The following CYB5R4 variants were observed in gnomAD, a reference collection of about 807,000 sequenced individuals.
CYB5R4 encodes the protein cytochrome b5 reductase 4.
CYB5R4 carries 55 observed loss-of-function variants against 70.2 expected under a neutral mutation model. The observed-to-expected ratio is 0.78, with a 90% CI of 0.63 to 0.98. The LOEUF (loss-of-function observed/expected upper bound fraction) is 0.98, where lower values mean the gene tolerates loss of function less well. Ranked by LOEUF, CYB5R4 falls within the 50% of genes least tolerant of loss-of-function variation. CYB5R4 has a pLI of 0.00. For missense variants in CYB5R4, 562 were observed against 612.6 expected (o/e 0.92, Z 0.87); for synonymous variants, 197 against 199.5 (o/e 0.99, Z 0.11).
chr6:83,947,158 A>C (rs2129144362), intron 14 of CYB5R4, among the ~76,000 whole-genome samples: 1 of 152,308 alleles, frequency 6.6e-6, no homozygotes, highest in Non-Finnish European at 1.5e-5. Context: ...TTCAAACTAT[A>C]CTGCAAGGCC....
At chr6:83,901,689 G>A (rs922592445) in intron 3 of CYB5R4, among the ~76,000 whole-genome samples, 4 of 145,298 alleles carry the variant, frequency 2.8e-5, no homozygotes, top group Non-Finnish European at 5.9e-5. Context: ...ATCCTCACCA[G>A]CGTCTATTAT....
intron 3 of CYB5R4, among the ~76,000 whole-genome samples, chr6:83,907,859 T>G (rs2099464060): frequency 6.6e-6 from 1 of 152,220 alleles, no homozygotes; most frequent in Admixed American, 6.5e-5. Context: ...CTACCACATT[T>G]TCTTTATTCA....
chr6:83,912,562 C>T (rs1283121368), intron 4 of CYB5R4, among the ~76,000 whole-genome samples: 3 of 152,062 alleles, frequency 2.0e-5, no homozygotes, highest in Admixed American at 6.6e-5. Context: ...CTGACCTCTC[C>T]GGAAATAAAG....
rs541342448 is a variant in CYB5R4, at chr6:83,961,484, G to C, written c.*1606G>C. On this transcript the variant is annotated 3_prime_UTR_variant, in exon 16 of 16. Transcript: ENST00000369681. ...CTCATGATGGTAAGTGAGTTCTCAT[G>C]AGATCTGATGGTTTAAAAGTGTGGC... 3.3e-5 allele frequency: 5 copies of C among 152,092 alleles called. No homozygotes were observed. The East Asian group carries it at 9.7e-4, about 29-fold the overall frequency. 9.4% of individuals were successfully genotyped at this position (152,092 alleles called of 1,614,324 possible). A position where few individuals can be genotyped will look rare whatever the true frequency, so the allele number is the denominator to read the frequency against.
At chr6:83,900,338 G>A (rs183330440) in intron 3 of CYB5R4, among the ~76,000 whole-genome samples, 1,918 of 152,252 alleles carry the variant, frequency 0.013, 46 homozygotes, top group African/African-American at 0.044. Flanking sequence ...GAGACAGTTT[G>A]TTATAATTTC....
At position 83,924,595 on chromosome 6, in the gene CYB5R4, A is replaced by G; in HGVS notation, c.814+3A>G. 6.2e-7 allele frequency: 1 copy of G among 1,611,610 alleles called. No homozygotes were observed. The highest frequency in any genetic ancestry group is 8.5e-7 in the Non-Finnish European group (1 of 1,178,912). On this transcript the variant is annotated splice_donor_region_variant and intron_variant, in intron 10 of 15. Transcript: ENST00000369681. ...ACTTATTCCAAGGAAAGATACAGGT[A>G]TGCTGTGTTCTTTTGTTACGTTAAT...
intron 1 of CYB5R4, 57 bp downstream of exon 1, chr6:83,859,914 T>TG: frequency 1.3e-6 from 2 of 1,495,886 alleles, no homozygotes; most frequent in Non-Finnish European, 1.8e-6. Context: ...TCTGGCAGTG[T>TG]GTTCTCTTCT....
intron 2 of CYB5R4, 56 bp downstream of exon 2, chr6:83,864,384 A>G (rs1036810315): frequency 1.8e-5 from 27 of 1,479,320 alleles, no homozygotes; most frequent in South Asian, 2.5e-5. Context: ...TCCAATTATG[A>G]TGTTACATAA....
chr6:83,940,225 A>C lies in CYB5R4; in HGVS notation c.1259+19A>C. ...GTCTCAGGTATGTAATTTTGTCTCT[A>C]ATTACGATCCTTTTTGAGGCTGTTA... On this transcript the variant is annotated intron_variant, in intron 13 of 15. Transcript: ENST00000369681. 1 of 1,586,110 alleles carries C rather than the reference A, an allele frequency of 6.3e-7. No individual in the cohort carries two copies. Among genetic ancestry groups the C allele is most frequent in the South Asian group, 1.2e-5 (1 of 86,712 alleles).
At chr6:83,895,592 C>T (rs986415628) in intron 3 of CYB5R4, among the ~76,000 whole-genome samples, 1 of 152,120 alleles carries the variant, frequency 6.6e-6, no homozygotes, top group African/African-American at 2.4e-5. Flanking sequence ...TACTGTGCCA[C>T]AAGAAGAATT....
At chr6:83,927,986 G>A (rs1365823786) in intron 10 of CYB5R4, among the ~76,000 whole-genome samples, 2 of 152,154 alleles carry the variant, frequency 1.3e-5, no homozygotes, top group Non-Finnish European at 2.9e-5. Context: ...TAGGAATTCT[G>A]TTTAAGACAC....
At chr6:83,867,753 G>A (rs6911374) in intron 2 of CYB5R4, among the ~76,000 whole-genome samples, 26,630 of 152,188 alleles carry the variant, frequency 0.17, 3,791 homozygotes, top group African/African-American at 0.38. Flanking sequence ...ATGACTCAGC[G>A]GGTTTGGAGC....
intron 11 of CYB5R4, 26 bp downstream of exon 11, chr6:83,934,761 A>C: frequency 6.3e-7 from 1 of 1,590,758 alleles, no homozygotes; most frequent in Non-Finnish European, 8.5e-7. Flanking sequence ...GCTTTGGGAC[A>C]CAATTTATTC....
At position 83,961,080 on chromosome 6, in the gene CYB5R4, A is replaced by G. The variant is rs2129147002; in HGVS notation, c.*1202A>G. The G allele has an allele frequency of 6.6e-6, 1 of 152,334 alleles. No individual in the cohort carries two copies. The highest frequency in any genetic ancestry group is 1.5e-5 in the Non-Finnish European group (1 of 68,032). The allele number at this position is 152,334 out of a possible 1,614,324, so 9.4% of individuals were successfully genotyped here. ...AAACAGCTAAATCTTTGCTGAATGA[A>G]TAATATACTCAAGAGGAACACAATA... On this transcript the variant is annotated 3_prime_UTR_variant, in exon 16 of 16. Coordinates refer to ENST00000369681, the MANE Select transcript of CYB5R4 (RefSeq NM_016230.4).
At chr6:83,882,892 T>C (rs928483983) in intron 2 of CYB5R4, among the ~76,000 whole-genome samples, 1 of 152,148 alleles carries the variant, frequency 6.6e-6, no homozygotes. Context: ...GAGAATCACC[T>C]GAGCCCTGGA....
intron 2 of CYB5R4, 25 bp downstream of exon 2, chr6:83,864,353 C>A (rs780633116): frequency 6.3e-7 from 1 of 1,586,268 alleles, no homozygotes; most frequent in Non-Finnish European, 8.6e-7. Context: ...TTAAGTCCTT[C>A]AAAAAATGTT....
intron 3 of CYB5R4, among the ~76,000 whole-genome samples, chr6:83,896,795 G>A (rs965567953): frequency 6.6e-6 from 1 of 152,138 alleles, no homozygotes; most frequent in African/African-American, 2.4e-5. Context: ...ATACCCAATA[G>A]TGGGATTGCT....
At chr6:83,860,184 C>A (rs765880027) in intron 1 of CYB5R4, among the ~76,000 whole-genome samples, 4 of 152,136 alleles carry the variant, frequency 2.6e-5, no homozygotes, top group Non-Finnish European at 4.4e-5. Context: ...TCGGTATTAG[C>A]CGCCTTCCCT....
At chr6:83,894,549 AG>A (rs550541912) in intron 3 of CYB5R4, among the ~76,000 whole-genome samples, 233 of 152,306 alleles carry the variant, frequency 1.5e-3, no homozygotes, top group Non-Finnish European at 2.6e-3. Flanking sequence ...TACAGGGATT[AG>A]GGGTGCCAAC....
Sources: allele counts gnomAD v4.1 joint callset (sites outside exome capture counted in the v4.1 genomes callset), GRCh38; gene constraint gnomAD v4.1.1; transcripts MANE v1.5; gene names NCBI Gene and HGNC (gene_info 2026-07-23, HGNC 2026-07-21).